Variants in HMCN1 observed in about 807,000 individuals in gnomAD.
HMCN1 encodes the protein hemicentin 1, also known as hemicentin-1.
HMCN1 carries 321 observed loss-of-function variants against 625.9 expected under a neutral mutation model. That is an observed-to-expected ratio of 0.51 (90% confidence interval 0.47 to 0.56). The LOEUF is 0.56. HMCN1 is among the 20% of genes least tolerant of loss of function. The probability of loss-of-function intolerance (pLI) is 0.00; values close to 1 mark genes in which losing one functional copy is unlikely to be tolerated. For missense variants in HMCN1, 6,588 were observed against 6,887.3 expected (o/e 0.96, Z 1.54); for synonymous variants, 2,425 against 2,417.6 (o/e 1.00, Z -0.09).
At chr1:185,802,355 ACATC>A (rs1658856276) in intron 1 of HMCN1, among the ~76,000 whole-genome samples, 1 of 152,194 alleles carries the variant, frequency 6.6e-6, no homozygotes, top group South Asian at 2.1e-4. Flanking sequence ...TGTAGACTAG[ACATC>A]TTGATATAAG....
intron 93 of HMCN1, among the ~76,000 whole-genome samples, chr1:186,150,221 G>C (rs536701652): frequency 3.3e-5 from 5 of 152,246 alleles, no homozygotes; most frequent in African/African-American, 1.2e-4. Context: ...GAAATTCCTA[G>C]TGATTGCTTT....
At chr1:185,959,582 C>T (rs905992722) in intron 11 of HMCN1, among the ~76,000 whole-genome samples, 4 of 151,846 alleles carry the variant, frequency 2.6e-5, no homozygotes, top group African/African-American at 7.3e-5. Context: ...GCTGTGTTCC[C>T]ATTGCTTTGG....
At chr1:185,796,521 G>A (rs934586579) in intron 1 of HMCN1, among the ~76,000 whole-genome samples, 2 of 152,140 alleles carry the variant, frequency 1.3e-5, no homozygotes, top group Non-Finnish European at 2.9e-5. Context: ...GTGAGAATCT[G>A]ACTTTCTGTT....
At chr1:186,133,949 G>A (rs534585291) in intron 86 of HMCN1, among the ~76,000 whole-genome samples, 2 of 152,114 alleles carry the variant, frequency 1.3e-5, no homozygotes, top group South Asian at 4.1e-4. Context: ...TGTGAATTAT[G>A]GCTCAACAAG....
At position 186,001,403 on chromosome 1, in the gene HMCN1, T is replaced by C; in HGVS notation, c.4175T>C (p.Ile1392Thr). Residue 1392 changes from isoleucine (I) to threonine (T), a missense_variant, in exon 27 of 107, where the codon ATT becomes ACT. Coordinates refer to ENST00000271588, the MANE Select transcript of HMCN1 (RefSeq NM_031935.3). Reference protein sequence around the residue: ...CEVEGTPSPIIMWYKDNVQVT... With the variant: ...CEVEGTPSPITMWYKDNVQVT... The stretch of plus-strand genomic sequence containing the variant: ...GTGGAAGGCACTCCATCTCCCATCA[T>C]TATGTGGTATAAAGATAATGTCCAG... 1 of 1,612,612 alleles carries C rather than the reference T, an allele frequency of 6.2e-7. No individual in the cohort carries two copies. The highest frequency in any genetic ancestry group is 8.5e-7 in the Non-Finnish European group (1 of 1,178,912).
Position 186,132,137 on chromosome 1 carries a change from C to T in HMCN1, c.13231-191C>T, listed in dbSNP as rs532202295. Among the ~76,000 whole-genome samples, 191 of 152,126 alleles carry T rather than the reference C, an allele frequency of 1.3e-3. 1 individual carries two copies. The highest frequency in any genetic ancestry group is 1.8e-3 in the Admixed American group (27 of 15,258). On this transcript the variant is annotated intron_variant, in intron 85 of 106. Coordinates refer to ENST00000271588, the MANE Select transcript of HMCN1 (RefSeq NM_031935.3). ...CTTGGAATTTGTTTTCTCCCTTCCC[C>T]CTCCTCTTTCTCTTCCTCCTCCTCC...
In HMCN1 at chr1:186,178,558, T is replaced by C; in HGVS notation, c.16086T>C (p.Asn5362=). 1 of 1,614,066 alleles carries C rather than the reference T, an allele frequency of 6.2e-7. No individual in the cohort carries two copies. The highest frequency in any genetic ancestry group is 8.5e-7 in the Non-Finnish European group (1 of 1,179,994). ...GCGCTGGATTGGAGAGGCTGCCAAA[T>C]TATGGCACTCAATACAGTAGCTATA... ...KSCAGLERLP[N]YGTQYSSYNL... Residue 5362 remains asparagine (N), a synonymous_variant, in exon 104 of 107, where the codon AAT becomes AAC. Coordinates refer to ENST00000271588, the MANE Select transcript of HMCN1 (RefSeq NM_031935.3).
chr1:186,181,541 T>A (rs1482425655), intron 104 of HMCN1, among the ~76,000 whole-genome samples: 2 of 152,142 alleles, frequency 1.3e-5, no homozygotes, highest in Admixed American at 6.6e-5. Flanking sequence ...ATAAATGAGA[T>A]CTTGAGAAGT....
At chr1:185,868,405 C>T (rs778687075) in intron 4 of HMCN1, among the ~76,000 whole-genome samples, 2 of 152,100 alleles carry the variant, frequency 1.3e-5, no homozygotes, top group Non-Finnish European at 2.9e-5. Flanking sequence ...CCCCACATGT[C>T]ATTGGAGGGA....
chr1:186,103,469 T>C lies in HMCN1; in HGVS notation c.10574-3T>C. On this transcript the variant is annotated splice_region_variant and splice_polypyrimidine_tract_variant and intron_variant, in intron 68 of 106. Transcript: ENST00000271588. ...ATTATTATTTTTGATTCCCTTTAAA[T>C]AGAACCACCTCACATTAATGGATCT... The C allele has an allele frequency of 6.2e-7, 1 of 1,610,644 alleles. No individual in the cohort carries two copies. Among genetic ancestry groups the C allele is most frequent in the Non-Finnish European group, 8.5e-7 (1 of 1,176,918 alleles).
intron 1 of HMCN1, among the ~76,000 whole-genome samples, chr1:185,743,003 G>A (rs970523308): frequency 6.6e-6 from 1 of 152,088 alleles, no homozygotes; most frequent in Non-Finnish European, 1.5e-5. Context: ...AATTAGTTAA[G>A]GAACAGCCTT....
At chr1:186,095,563 A>T (rs545472846) in intron 68 of HMCN1, 42 bp downstream of exon 68, 1 of 1,581,808 alleles carries the variant, frequency 6.3e-7, no homozygotes, top group African/African-American at 1.3e-5. Flanking sequence ...TTGGAAAGTA[A>T]GTGATAGTGA....
intron 1 of HMCN1, among the ~76,000 whole-genome samples, chr1:185,751,677 T>G (rs1250793776): frequency 7.2e-5 from 11 of 152,092 alleles, no homozygotes; most frequent in Admixed American, 7.2e-4. Context: ...CCTTTCATAT[T>G]TTCTATTTAT....
intron 1 of HMCN1, among the ~76,000 whole-genome samples, chr1:185,797,613 C>T (rs1658476306): frequency 6.6e-6 from 1 of 152,140 alleles, no homozygotes; most frequent in African/African-American, 2.4e-5. Flanking sequence ...GGTTTTGTTC[C>T]TGTCATAATG....
intron 1 of HMCN1, among the ~76,000 whole-genome samples, chr1:185,804,851 G>T (rs1659063626): frequency 6.6e-6 from 1 of 152,028 alleles, no homozygotes; most frequent in Admixed American, 6.6e-5. Flanking sequence ...AGGGGGCTTA[G>T]AATGTTATGA....
At chr1:186,122,311 A>T (rs558144406) in intron 80 of HMCN1, among the ~76,000 whole-genome samples, 33 of 152,292 alleles carry the variant, frequency 2.2e-4, no homozygotes, top group Admixed American at 1.0e-3. Context: ...TTTTATAGTG[A>T]TGCGTTACAA....
intron 103 of HMCN1, among the ~76,000 whole-genome samples, chr1:186,177,633 A>C (rs1307248120): frequency 6.6e-6 from 1 of 152,188 alleles, no homozygotes; most frequent in Non-Finnish European, 1.5e-5. Context: ...CATTTAAATA[A>C]AAATTTTAAA....
chr1:185,994,777 T>G (rs768558511), intron 23 of HMCN1, 38 bp from the exon 24 acceptor site: 116 of 1,597,638 alleles, frequency 7.3e-5, no homozygotes, highest in Non-Finnish European at 9.7e-5. Context: ...AAGGAATTTG[T>G]GAAAGTTGGA....
chr1:185,902,986 G>A (rs1186895129), intron 4 of HMCN1, among the ~76,000 whole-genome samples: 5 of 150,356 alleles, frequency 3.3e-5, no homozygotes, highest in Non-Finnish European at 4.4e-5. Flanking sequence ...AAAAACCCAA[G>A]CAAACAAAAA....
Sources: allele counts gnomAD v4.1 joint callset (sites outside exome capture counted in the v4.1 genomes callset), GRCh38; gene constraint gnomAD v4.1.1; transcripts MANE v1.5; gene names NCBI Gene and HGNC (gene_info 2026-07-23, HGNC 2026-07-21).